MSN: variants seen among roughly 807,000 people sequenced by gnomAD.
MSN encodes the protein epididymis luminal protein 70.
Under a neutral mutation model 48.0 loss-of-function variants are expected in MSN, and 2 were observed. That is an observed-to-expected ratio of 0.04 (90% CI 0.02 to 0.13). The LOEUF is 0.13. MSN is among the 10% of genes least tolerant of loss of function. The pLI is 1.00. For missense variants in MSN, 267 were observed against 470.1 expected, an observed-to-expected ratio of 0.57 and a Z score of 3.99; for synonymous variants, 146 against 166.9, an observed-to-expected ratio of 0.87 and a Z score of 0.97.
chrX:65,719,738 T>C (rs1400983557), intron 2 of MSN, among the ~76,000 whole-genome samples: 1 of 111,486 alleles, frequency 9.0e-6, no homozygotes, highest in Non-Finnish European at 1.9e-5. Context: ...CTGATTCTAC[T>C]AATTCCCCAT....
rs951281230 is a variant in MSN, at chrX:65,635,311, T to A, written c.-22+46699T>A. Among the ~76,000 whole-genome samples the A allele has an allele frequency of 6.3e-5, 7 of 111,232 alleles. No homozygotes were observed. The Admixed American group carries it at 6.8e-4, about 11-fold the overall frequency. On this transcript the variant is annotated intron_variant, in intron 1 of 3. Transcript: ENST00000609672. ...CAGTCTCAACCTCTCCCTGTCTTTG[T>A]CTGTCTCATTTTCTTTCCCATCCCA...
intron 1 of MSN, among the ~76,000 whole-genome samples, chrX:65,618,035 C>G (rs1435168503): frequency 9.1e-6 from 1 of 109,843 alleles, no homozygotes; most frequent in African/African-American, 3.3e-5. Context: ...GATTCTTAAT[C>G]CTGAGTTCTA....
At chrX:65,714,794 C>T (rs1385023388) in intron 1 of MSN, among the ~76,000 whole-genome samples, 1 of 111,616 alleles carries the variant, frequency 9.0e-6, no homozygotes, top group Non-Finnish European at 1.9e-5. Context: ...TTTTGCTGTG[C>T]AGAAGCTCTT....
chrX:65,667,631 G>C, upstream of MSN: 3 of 1,012,471 alleles, frequency 3.0e-6, no homozygotes, highest in Non-Finnish European at 3.8e-6. Flanking sequence ...GCCACATAAA[G>C]GAGCGGGCGG....
In MSN at chrX:65,731,818, C is replaced by T. The variant is rs771481578; in HGVS notation, c.552-20C>T. 7.5e-6 allele frequency: 9 copies of T among 1,203,224 alleles called. No homozygotes were observed. The South Asian group carries it at 1.4e-4, about 19-fold the overall frequency. Reference sequence around the variant, plus strand: ...GACTCACAAGCCCCACTTTGTGACCCCCAACTCTGTGTCATTTAGGGAGGA... The same window carrying T: ...GACTCACAAGCCCCACTTTGTGACCTCCAACTCTGTGTCATTTAGGGAGGA... On this transcript the variant is annotated intron_variant, in intron 5 of 12. Coordinates refer to ENST00000360270, the MANE Select transcript of MSN (RefSeq NM_002444.3).
At chrX:65,703,750 C>T (rs935515433) in intron 1 of MSN, among the ~76,000 whole-genome samples, 2 of 111,346 alleles carry the variant, frequency 1.8e-5, no homozygotes, top group Non-Finnish European at 3.8e-5. Context: ...AATTTTTGTA[C>T]TTTTTGTAGA....
intron 2 of MSN, among the ~76,000 whole-genome samples, chrX:65,717,773 C>T (rs2071480950): frequency 9.0e-6 from 1 of 111,508 alleles, no homozygotes; most frequent in African/African-American, 3.3e-5. Flanking sequence ...AGTTATTGTC[C>T]AGGATGTTAG....
intron 1 of MSN, among the ~76,000 whole-genome samples, chrX:65,658,950 T>G (rs756931827): frequency 9.3e-6 from 1 of 107,876 alleles, no homozygotes. Context: ...GCTCAAGCGA[T>G]TCTCCTGCCT....
chrX:65,715,151 GGC>G (rs1370553729), intron 1 of MSN, among the ~76,000 whole-genome samples: 1 of 110,457 alleles, frequency 9.1e-6, no homozygotes, highest in Non-Finnish European at 1.9e-5. Flanking sequence ...CTTATTTCTG[GGC>G]TCTCTATTCT....
intron 1 of MSN, among the ~76,000 whole-genome samples, chrX:65,619,349 CA>C (rs1397056737): frequency 1.0e-5 from 1 of 98,091 alleles, no homozygotes; most frequent in Non-Finnish European, 1.9e-5. Context: ...GTACACCAAT[CA>C]GACGTAGATT....
chrX:65,598,167 A>G (rs73629453), intron 1 of MSN, among the ~76,000 whole-genome samples: 4,732 of 110,915 alleles, frequency 0.043, 255 homozygotes, highest in African/African-American at 0.15. Context: ...AAACAGAGAC[A>G]GAATCAGAGA....
chrX:65,663,366 G>A (rs773067909), upstream of MSN, among the ~76,000 whole-genome samples: 3 of 110,472 alleles, frequency 2.7e-5, no homozygotes, highest in African/African-American at 6.6e-5. Flanking sequence ...ACTCACCATC[G>A]GAGAAATGCA....
chrX:65,712,251 G>A (rs1003855443), intron 1 of MSN, among the ~76,000 whole-genome samples: 1 of 111,447 alleles, frequency 9.0e-6, no homozygotes, highest in Non-Finnish European at 1.9e-5. Flanking sequence ...GGCCTTTCCT[G>A]TCCCATTGTC....
At chrX:65,678,650 C>G (rs971524543) in intron 1 of MSN, among the ~76,000 whole-genome samples, 1 of 111,539 alleles carries the variant, frequency 9.0e-6, no homozygotes, top group Non-Finnish European at 1.9e-5. Context: ...CCTTCCCAGT[C>G]CTGAGCTGTC....
chrX:65,655,807 C>T (rs1056962399), intron 1 of MSN, among the ~76,000 whole-genome samples: 1 of 112,267 alleles, frequency 8.9e-6, no homozygotes, highest in Non-Finnish European at 1.9e-5. Context: ...GTTCTTGTCG[C>T]CCAGGCTGGA....
intron 1 of MSN, among the ~76,000 whole-genome samples, chrX:65,608,878 C>T (rs913247725): frequency 4.5e-5 from 5 of 110,330 alleles, no homozygotes; most frequent in African/African-American, 1.6e-4. Context: ...ACAATAGGTG[C>T]TCAAGAAATG....
chrX:65,645,449 T>G (rs982289759), intron 1 of MSN, among the ~76,000 whole-genome samples: 7 of 106,037 alleles, frequency 6.6e-5, no homozygotes, highest in Middle Eastern at 4.2e-3. Context: ...GAGTTGAGTG[T>G]CCAAAGCATT....
Position 65,667,841 on chromosome X carries a change from C to T in MSN, c.-1C>T. 8.3e-7 allele frequency: 1 copy of T among 1,210,894 alleles called. No individual in the cohort carries two copies. The highest frequency in any genetic ancestry group is 1.8e-5 in the South Asian group (1 of 56,862). Reference sequence around the variant, plus strand: ...CCAACTCCGCTGCCTTTGCCGCCACCATGCCCAAAACGGTGAGTGCCGGAG... The same window carrying T: ...CCAACTCCGCTGCCTTTGCCGCCACTATGCCCAAAACGGTGAGTGCCGGAG... On this transcript the variant is annotated 5_prime_UTR_variant, in exon 1 of 13. Transcript: ENST00000360270.
In MSN at chrX:65,625,998, G is replaced by A. The variant is rs1447746323; in HGVS notation, c.-22+37386G>A. On this transcript the variant is annotated intron_variant, in intron 1 of 3. Transcript: ENST00000609672. ...GAGATTTAGTCTCACTCTGTCGCCC[G>A]GGCTGGAGTGCAGTGGTGCAATCTC... 7 of 91,616 alleles carry A rather than the reference G, an allele frequency of 7.6e-5. No individual in the cohort carries two copies. The East Asian group carries it at 1.1e-3, about 14-fold the overall frequency. The allele number at this position is 91,616 out of a possible 1,213,427, so 7.6% of individuals were successfully genotyped here. A position where few individuals can be genotyped will look rare whatever the true frequency, so the allele number is the denominator to read the frequency against.
Sources: allele counts gnomAD v4.1 joint callset (sites outside exome capture counted in the v4.1 genomes callset), GRCh38; gene constraint gnomAD v4.1.1; transcripts MANE v1.5; gene names NCBI Gene and HGNC (gene_info 2026-07-23, HGNC 2026-07-21).